The following MCTP1 variants were observed in gnomAD, a reference collection of about 807,000 sequenced individuals.
MCTP1 encodes the protein multiple C2 and transmembrane domain containing 1.
In MCTP1, 69 loss-of-function variants were observed where a neutral mutation model predicts 120.6. That is an observed-to-expected ratio of 0.57 (90% CI 0.47 to 0.70). The LOEUF (loss-of-function observed/expected upper bound fraction) is 0.70. Among genes scored for constraint, MCTP1 ranks in the 30% least tolerant of loss-of-function variants. The pLI, the probability that MCTP1 is intolerant of heterozygous loss-of-function variation, is 0.00. For synonymous variants in MCTP1, 529 were observed against 493.1 expected (o/e 1.07, Z -0.96); for missense variants, 1,203 against 1,248.8 (o/e 0.96, Z 0.55).
At chr5:94,785,287 G>C (rs1777435658) in intron 18 of MCTP1, among the ~76,000 whole-genome samples, 1 of 151,940 alleles carries the variant, frequency 6.6e-6, no homozygotes, top group Non-Finnish European at 1.5e-5. Context: ...CAGAATTCTA[G>C]AGTTTATTTG....
At chr5:94,832,579 A>G (rs1371632468) in intron 17 of MCTP1, among the ~76,000 whole-genome samples, 4 of 151,206 alleles carry the variant, frequency 2.6e-5, no homozygotes, top group Non-Finnish European at 4.4e-5. Context: ...ATTTTCACAC[A>G]GGTTCCTTTC....
intron 19 of MCTP1, among the ~76,000 whole-genome samples, chr5:94,742,557 G>A (rs1765764892): frequency 2.6e-5 from 4 of 152,108 alleles, no homozygotes; most frequent in Non-Finnish European, 5.9e-5. Context: ...CTTGGAAAGA[G>A]AATCATGAGC....
intron 1 of MCTP1, among the ~76,000 whole-genome samples, chr5:95,066,889 T>C (rs1482013563): frequency 2.0e-5 from 3 of 152,166 alleles, no homozygotes; most frequent in Admixed American, 1.3e-4. Context: ...TAGATGCTCG[T>C]AAATAATGTG....
At chr5:95,267,547 G>T (rs890451894) in intron 1 of MCTP1, among the ~76,000 whole-genome samples, 16 of 152,096 alleles carry the variant, frequency 1.1e-4, no homozygotes, top group African/African-American at 3.9e-4. Flanking sequence ...TTCTATTTTT[G>T]TCGACATTTT....
chr5:94,825,493 G>A (rs1275287704), intron 17 of MCTP1, among the ~76,000 whole-genome samples: 1 of 152,104 alleles, frequency 6.6e-6, no homozygotes. Flanking sequence ...GTGCTATGTG[G>A]TGCTGAGAAG....
At chr5:95,208,827 G>A (rs1430719343) in intron 1 of MCTP1, among the ~76,000 whole-genome samples, 1 of 151,796 alleles carries the variant, frequency 6.6e-6, no homozygotes, top group African/African-American at 2.4e-5. Flanking sequence ...CTTCTTGAAA[G>A]TCACCAATGA....
rs1749067994 is a variant in MCTP1 at position 95,061,408 on chromosome 5, G to GTTGTTTTTTTTTTTTTTTTTTT, written c.721-43925_721-43924insAAAAAAAAAAAAAAAAAAACAA. 4.5e-4 allele frequency among the ~76,000 whole-genome samples: 15 copies of GTTGTTTTTTTTTTTTTTTTTTT among 33,488 alleles called. 5 individuals carry two copies. The highest frequency in any genetic ancestry group is 7.1e-4 in the Admixed American group (2 of 2,806). The allele number at this position is 33,488 out of a possible 152,430, so 22.0% of individuals were successfully genotyped here. ...ATCAATTTTCACAAACCCCTTAAGG[G>GTTGTTTTTTTTTTTTTTTTTTT]TTTTTTTTTTTTTTTTTTTTTTTTT... On this transcript the variant is annotated intron_variant, in intron 1 of 22. Transcript: ENST00000515393.
At chr5:95,278,886 T>G (rs1262535077) in intron 1 of MCTP1, among the ~76,000 whole-genome samples, 6 of 150,320 alleles carry the variant, frequency 4.0e-5, no homozygotes, top group African/African-American at 1.5e-4. Flanking sequence ...TGCTTGAACC[T>G]GGGAAGCAGA....
chr5:95,012,072 C>T (rs1359017600), intron 2 of MCTP1, among the ~76,000 whole-genome samples: 1 of 152,080 alleles, frequency 6.6e-6, no homozygotes, highest in Non-Finnish European at 1.5e-5. Context: ...GCTACTTTGT[C>T]ATTATACCTT....
At chr5:94,798,115 A>C (rs1405456306) in intron 18 of MCTP1, among the ~76,000 whole-genome samples, 3 of 148,766 alleles carry the variant, frequency 2.0e-5, no homozygotes, top group East Asian at 2.0e-4. Flanking sequence ...AAAAAAAAAA[A>C]CATAGTAATC....
At chr5:94,900,123 C>A (rs1201699540) in intron 10 of MCTP1, among the ~76,000 whole-genome samples, 3 of 152,224 alleles carry the variant, frequency 2.0e-5, no homozygotes, top group African/African-American at 7.2e-5. Flanking sequence ...TTCTCACTTA[C>A]AACTTATCAT....
chr5:94,913,866 T>G (rs1199903507), intron 8 of MCTP1, among the ~76,000 whole-genome samples: 3 of 151,892 alleles, frequency 2.0e-5, no homozygotes, highest in Non-Finnish European at 4.4e-5. Context: ...TAATTTTTAT[T>G]TTTTATTTTT....
chr5:94,854,380 T>C (rs535742832), intron 17 of MCTP1, among the ~76,000 whole-genome samples: 1 of 151,826 alleles, frequency 6.6e-6, no homozygotes, highest in South Asian at 2.1e-4. Context: ...GAAAATGAGG[T>C]TGGGGAATGG....
At chr5:94,895,687 C>T (rs1803809090) in intron 10 of MCTP1, among the ~76,000 whole-genome samples, 1 of 152,178 alleles carries the variant, frequency 6.6e-6, no homozygotes, top group Admixed American at 6.5e-5. Flanking sequence ...TCTTATTCCT[C>T]ACTCTATTTG....
At chr5:95,137,662 T>C (rs1759547405) in intron 1 of MCTP1, among the ~76,000 whole-genome samples, 1 of 152,244 alleles carries the variant, frequency 6.6e-6, no homozygotes, top group Admixed American at 6.5e-5. Flanking sequence ...TATGTAGATC[T>C]CTAGTCTAAT....
At chr5:94,716,749 A>G (rs75985222) in intron 19 of MCTP1, among the ~76,000 whole-genome samples, 1 of 146,170 alleles carries the variant, frequency 6.8e-6, no homozygotes, top group East Asian at 1.9e-4. Flanking sequence ...CGAAATATAT[A>G]AAAAGTTTTT....
chr5:95,048,021 T>G (rs372321037), intron 1 of MCTP1, among the ~76,000 whole-genome samples: 148 of 152,336 alleles, frequency 9.7e-4, no homozygotes, highest in Non-Finnish European at 1.6e-3. Flanking sequence ...ATTATTGCAT[T>G]TAAGATATGT....
intron 2 of MCTP1, among the ~76,000 whole-genome samples, chr5:94,977,328 TAATA>T (rs1325264862): frequency 6.6e-6 from 1 of 151,966 alleles, no homozygotes; most frequent in Middle Eastern, 3.2e-3. Context: ...AAGAAGACAC[TAATA>T]AATGAAAAGT....
rs1313216736 is a variant in MCTP1, at chr5:94,928,127, T to A, written c.1212+3826A>T. Among the ~76,000 whole-genome samples, 4 of 152,142 alleles carry A rather than the reference T, an allele frequency of 2.6e-5. No individual in the cohort carries two copies. The South Asian group carries it at 8.3e-4, about 31-fold the overall frequency. On this transcript the variant is annotated intron_variant, in intron 6 of 22. Transcript: ENST00000515393. ...TATCATCACGATAATATTTGTTATA[T>A]AATTGAAGTAATTTATTGAAAGCAC...
Sources: allele counts gnomAD v4.1 joint callset (sites outside exome capture counted in the v4.1 genomes callset), GRCh38; gene constraint gnomAD v4.1.1; transcripts MANE v1.5; gene names NCBI Gene and HGNC (gene_info 2026-07-23, HGNC 2026-07-21).